Variants in MADD observed in about 807,000 individuals in gnomAD.
MADD encodes the protein MAP kinase activating death domain.
Under a neutral mutation model 176.7 loss-of-function variants are expected in MADD, and 109 were observed. That is an observed-to-expected ratio of 0.62 (90% CI 0.53 to 0.72). MADD has a LOEUF of 0.72. Ranked by LOEUF, MADD falls within the 30% of genes least tolerant of loss-of-function variation. The pLI is 0.00. For missense variants in MADD, 1,914 were observed against 2,045.5 expected, an observed-to-expected ratio of 0.94 and a Z score of 1.24; for synonymous variants, 771 against 771.3, an observed-to-expected ratio of 1.00 and a Z score of 0.01.
exon 19 of MADD, chr11:47,290,751 C>T: frequency 6.2e-7 from 1 of 1,614,138 alleles, no homozygotes; most frequent in Non-Finnish European, 8.5e-7. Context: ...CCAAGTGCCA[C>T]AGGAAAGGGT....
At chr11:47,292,455 G>T in intron 19 of MADD, 88 bp from the exon 21 acceptor site, 1 of 1,178,546 alleles carries the variant, frequency 8.5e-7, no homozygotes, top group South Asian at 1.2e-5. Context: ...AGACTGAATC[G>T]ACTTGGGTGG....
At chr11:47,283,026 C>G in intron 10 of MADD, 57 bp downstream of exon 10, 1 of 1,563,146 alleles carries the variant, frequency 6.4e-7, no homozygotes, top group Non-Finnish European at 8.7e-7. Context: ...CTCACTAGCC[C>G]TTCTTTAGCA....
At chr11:47,284,944 C>T in exon 13 of MADD, 1 of 1,613,614 alleles carries the variant, frequency 6.2e-7, no homozygotes, top group East Asian at 2.2e-5. Context: ...CCTTTAGGAA[C>T]CTGCTGACTC....
chr11:47,327,836 C>T, intron 31 of MADD: 1 of 985,438 alleles, frequency 1.0e-6, no homozygotes, highest in Non-Finnish European at 1.2e-6. Flanking sequence ...CCCCTCTGCT[C>T]CCAGTCTCAA....
chr11:47,279,524 G>A (rs975737587), intron 7 of MADD, among the ~76,000 whole-genome samples: 2 of 151,638 alleles, frequency 1.3e-5, no homozygotes, highest in African/African-American at 2.4e-5. Context: ...GACTATAGGC[G>A]CACGCCGCCA....
At chr11:47,295,103 T>A (rs2069900144) in intron 20 of MADD, among the ~76,000 whole-genome samples, 1 of 151,818 alleles carries the variant, frequency 6.6e-6, no homozygotes, top group South Asian at 2.1e-4. Context: ...CTCAAACTCC[T>A]GGGCTCAAGT....
chr11:47,296,107 A>G, intron 22 of MADD, 52 bp downstream of exon 24: 1 of 1,586,270 alleles, frequency 6.3e-7, no homozygotes, highest in South Asian at 1.1e-5. Flanking sequence ...GGGGGAGGGA[A>G]GCAGGCAAGA....
intron 31 of MADD, chr11:47,327,922 G>A (rs921949695): frequency 5.5e-5 from 54 of 985,154 alleles, no homozygotes; most frequent in South Asian, 9.4e-5. Context: ...TGGCTGGAGC[G>A]GGGGGACTCT....
At chr11:47,289,334 G>A (rs1383780404) in intron 15 of MADD, 57 bp from the exon 17 acceptor site, 2 of 1,398,542 alleles carry the variant, frequency 1.4e-6, no homozygotes, top group Non-Finnish European at 2.0e-6. Context: ...GGCTGTGCTG[G>A]CATGAGCTCC....
chr11:47,328,033 G>A, intron 31 of MADD: 2 of 990,390 alleles, frequency 2.0e-6, no homozygotes, highest in African/African-American at 1.7e-5. Context: ...TGCTGGGTGT[G>A]TTGCTCCAGA....
chr11:47,284,544 T>A (rs887263617), exon 12 of MADD: 1 of 1,613,866 alleles, frequency 6.2e-7, no homozygotes, highest in Non-Finnish European at 8.5e-7. Flanking sequence ...GCCCCAGCAC[T>A]GTCATCCACG....
chr11:47,280,399 T>A (rs1015501688), intron 7 of MADD, among the ~76,000 whole-genome samples: 2 of 152,168 alleles, frequency 1.3e-5, no homozygotes, highest in Non-Finnish European at 2.9e-5. Context: ...TCACTGCTAA[T>A]ATAATATGAT....
At chr11:47,329,419 C>A (rs2095808527) in exon 33 of MADD, 1 of 473,426 alleles carries the variant, frequency 2.1e-6, no homozygotes, top group South Asian at 2.7e-5. Context: ...GGTGTGAACC[C>A]ACTATTTTGT....
At chr11:47,323,717 A>G in exon 28 of MADD, 2 of 1,614,122 alleles carry the variant, frequency 1.2e-6, no homozygotes, top group Non-Finnish European at 1.7e-6. Flanking sequence ...GGAACAGTGT[A>G]TGAGCGCTGG....
At chr11:47,278,518 C>CA (rs397942869) in intron 6 of MADD, among the ~76,000 whole-genome samples, 1 of 152,288 alleles carries the variant, frequency 6.6e-6, no homozygotes, top group South Asian at 2.1e-4. Flanking sequence ...AGTGACCCCC[C>CA]ACCATATCCT....
In MADD at chr11:47,275,355, G is replaced by A. The variant is rs374944102; in HGVS notation, c.659+196G>A. 1.8e-4 allele frequency among the ~76,000 whole-genome samples: 27 copies of A among 152,274 alleles called. No individual in the cohort carries two copies. In the South Asian group the frequency reaches 5.6e-3, roughly 32 times the overall value. Reference sequence around the variant, plus strand: ...TGCCCAGGCTGGAGTACAGTGGTGCGATCTCGGCTCACTGCAACCCCTGCC... The same window carrying A: ...TGCCCAGGCTGGAGTACAGTGGTGCAATCTCGGCTCACTGCAACCCCTGCC... On this transcript the variant is annotated intron_variant, in intron 3 of 32. Coordinates refer to ENST00000402192, the Ensembl canonical transcript of MADD.
In MADD at chr11:47,314,856, C is replaced by CT. The variant is rs899071747; in HGVS notation, c.4090-356dup. ...GATTTGCAAAAATGTGAAACAGTGCCTTTTTTTTGAAAATATAGTTATTTT... is the reference window on the plus strand; with the variant it reads ...GATTTGCAAAAATGTGAAACAGTGCCTTTTTTTTTGAAAATATAGTTATTTT... On this transcript the variant is annotated intron_variant, in intron 26 of 32. Transcript: ENST00000402192. Among the ~76,000 whole-genome samples the CT allele has an allele frequency of 2.2e-4, 34 of 151,434 alleles. 1 individual carries two copies. The highest frequency in any genetic ancestry group is 3.1e-4 in the Non-Finnish European group (21 of 67,898).
chr11:47,328,291 A>T, intron 31 of MADD: 1 of 1,158,982 alleles, frequency 8.6e-7, no homozygotes, highest in Non-Finnish European at 1.1e-6. Flanking sequence ...CCCAGCCAAA[A>T]CCTGGGAATT....
At position 47,308,705 on chromosome 11, in the gene MADD, A is replaced by T. The variant is rs2085198710; in HGVS notation, c.3751+6A>T. 1 of 1,609,846 alleles carries T rather than the reference A, an allele frequency of 6.2e-7. No homozygotes were observed. Among genetic ancestry groups the T allele is most frequent in the African/African-American group, 1.3e-5 (1 of 74,830 alleles). ...TCTCTATGAGGGACTCCTAGGTGAG[A>T]AACACACTGGGAAGGCCCTTTGCAC... On this transcript the variant is annotated splice_donor_region_variant and intron_variant, in intron 23 of 32. Transcript: ENST00000402192.
Sources: gnomAD v4.1 joint callset for allele counts (sites outside exome capture counted in the v4.1 genomes callset) on GRCh38, gnomAD v4.1.1 for gene constraint, MANE v1.5 for transcripts, NCBI Gene and HGNC (gene_info 2026-07-23, HGNC 2026-07-21) for gene names.